Variants in RAPGEF5 observed in about 807,000 individuals in gnomAD.
RAPGEF5 encodes the protein Rap guanine nucleotide exchange factor 5.
Under a neutral mutation model 125.2 loss-of-function variants are expected in RAPGEF5, and 65 were observed. The observed-to-expected ratio is 0.52, with a 90% CI of 0.43 to 0.64. RAPGEF5 has a LOEUF of 0.64. Ranked by LOEUF, RAPGEF5 falls within the 30% of genes least tolerant of loss-of-function variation. The pLI, the probability that RAPGEF5 is intolerant of heterozygous loss-of-function variation, is 0.00. For synonymous variants in RAPGEF5, 391 were observed against 385.9 expected, an observed-to-expected ratio of 1.01 and a Z score of -0.16; for missense variants, 958 against 1,048.1, an observed-to-expected ratio of 0.91 and a Z score of 1.19.
chr7:22,258,550 G>C (rs1782061094), intron 7 of RAPGEF5, among the ~76,000 whole-genome samples: 1 of 151,254 alleles, frequency 6.6e-6, no homozygotes, highest in African/African-American at 2.4e-5. Flanking sequence ...CTTGAACCGG[G>C]GAGGCAGAGG....
chr7:22,314,614 G>A (rs1783550151), intron 3 of RAPGEF5: 1 of 981,684 alleles, frequency 1.0e-6, no homozygotes. Flanking sequence ...TCTTACTCTT[G>A]ATGGGTATTG....
chr7:22,118,608 G>T lies in RAPGEF5; in HGVS notation c.*3798C>A, dbSNP rs1782473753. Reference sequence around the variant, plus strand: ...AAATGGTGGAAAACTACCAAGTGTAGTCCCTGAGAAGTTAGGTAGACACCC... The same window carrying T: ...AAATGGTGGAAAACTACCAAGTGTATTCCCTGAGAAGTTAGGTAGACACCC... On this transcript the variant is annotated 3_prime_UTR_variant, in exon 26 of 26. Transcript: ENST00000665637. The T allele has an allele frequency of 6.6e-6, 1 of 152,562 alleles. No individual in the cohort carries two copies. Among genetic ancestry groups the T allele is most frequent in the Non-Finnish European group, 1.5e-5 (1 of 68,030 alleles). The allele number at this position is 152,562 out of a possible 1,614,324, so 9.5% of individuals were successfully genotyped here.
intron 11 of RAPGEF5, among the ~76,000 whole-genome samples, chr7:22,174,614 T>C (rs886717640): frequency 1.3e-5 from 2 of 152,166 alleles, no homozygotes; most frequent in Non-Finnish European, 2.9e-5. Context: ...AGAGATCACA[T>C]AGTATAATTG....
At chr7:22,194,178 A>G in intron 9 of RAPGEF5, 145 bp from the exon 10 acceptor site, 1 of 730,326 alleles carries the variant, frequency 1.4e-6, no homozygotes, top group Non-Finnish European at 2.2e-6. Flanking sequence ...ATAAATTAGG[A>G]GTCTGGTCAA....
At chr7:22,269,927 A>T (rs1036923630) in intron 6 of RAPGEF5, among the ~76,000 whole-genome samples, 1 of 152,188 alleles carries the variant, frequency 6.6e-6, no homozygotes, top group African/African-American at 2.4e-5. Flanking sequence ...GAAAAACTAT[A>T]GGGAAAGGAC....
intron 14 of RAPGEF5, 141 bp from the exon 15 acceptor site, chr7:22,158,026 C>T (rs1473065626): frequency 1.4e-6 from 1 of 723,464 alleles, no homozygotes; most frequent in African/African-American, 1.8e-5. Context: ...CATTAATTCA[C>T]TATGTACAAC....
chr7:22,181,400 A>G (rs1378445487), intron 11 of RAPGEF5, among the ~76,000 whole-genome samples: 1 of 152,190 alleles, frequency 6.6e-6, no homozygotes, highest in East Asian at 1.9e-4. Context: ...TTAGGTAGCA[A>G]TATCCAGCCA....
chr7:22,191,779 C>T, intron 11 of RAPGEF5: 1 of 403,764 alleles, frequency 2.5e-6, no homozygotes, highest in South Asian at 1.8e-5. Context: ...AACCTGTGAG[C>T]ACCTGAGCCA....
intron 11 of RAPGEF5, chr7:22,192,974 C>T (rs1176652470): frequency 8.8e-6 from 2 of 226,398 alleles, no homozygotes; most frequent in Admixed American, 5.1e-5. Context: ...ACGGAGGCTG[C>T]TGCCCCCAGC....
Position 22,219,883 on chromosome 7 carries a change from G to A in RAPGEF5, c.979C>T (p.Gln327Ter). 8 of 1,612,482 alleles carry A rather than the reference G, an allele frequency of 5.0e-6. No homozygotes were observed. The highest frequency in any genetic ancestry group is 6.8e-6 in the Non-Finnish European group (8 of 1,178,880). Reference sequence around the variant, plus strand: ...AGGCTTACGTGTTCAGACTTCTCCTGTTCTTTTTTGTCCGTCTGCAAAAAC... The same window carrying A: ...AGGCTTACGTGTTCAGACTTCTCCTATTCTTTTTTGTCCGTCTGCAAAAAC... ...YQFLQTDKKE[Q>*]EKSEHQDDEV... Residue 327 changes from glutamine to a stop codon, truncating the protein, a stop_gained, in exon 9 of 26, where the codon CAG becomes TAG. Transcript: ENST00000665637. LOFTEE classifies it high-confidence loss of function.
chr7:22,285,554 T>C (rs1242743492), intron 6 of RAPGEF5, among the ~76,000 whole-genome samples: 1 of 152,236 alleles, frequency 6.6e-6, no homozygotes, highest in African/African-American at 2.4e-5. Flanking sequence ...ATAACAATTC[T>C]TGTTCAAAGA....
intron 23 of RAPGEF5, among the ~76,000 whole-genome samples, chr7:22,135,269 C>A (rs149171354): frequency 6.6e-6 from 1 of 152,274 alleles, no homozygotes; most frequent in African/African-American, 2.4e-5. Flanking sequence ...CCTACTAAAC[C>A]TCTTGAAGGA....
chr7:22,124,189 C>T (rs1233335924), intron 25 of RAPGEF5, among the ~76,000 whole-genome samples: 2 of 152,152 alleles, frequency 1.3e-5, no homozygotes, highest in African/African-American at 4.8e-5. Flanking sequence ...ATACTTGGAG[C>T]ATATATAAAC....
intron 7 of RAPGEF5, among the ~76,000 whole-genome samples, chr7:22,264,222 A>G (rs1782228353): frequency 1.3e-5 from 2 of 152,174 alleles, no homozygotes; most frequent in Non-Finnish European, 2.9e-5. Flanking sequence ...CCAGACCTCC[A>G]GTCATATAAA....
intron 9 of RAPGEF5, among the ~76,000 whole-genome samples, chr7:22,215,206 C>T (rs1467168200): frequency 1.3e-5 from 2 of 152,162 alleles, no homozygotes; most frequent in African/African-American, 2.4e-5. Flanking sequence ...CCCACACCCC[C>T]AATTCTTGGT....
At chr7:22,161,537 AACACACACACACACAC>A (rs369030719) in intron 13 of RAPGEF5, among the ~76,000 whole-genome samples, 35 of 136,044 alleles carry the variant, frequency 2.6e-4, no homozygotes, top group Admixed American at 4.5e-4. Flanking sequence ...ACCCTGTCTC[AACACACACACACACAC>A]ACACACACAC....
chr7:22,201,370 G>C (rs1785273061), intron 9 of RAPGEF5, among the ~76,000 whole-genome samples: 1 of 152,232 alleles, frequency 6.6e-6, no homozygotes, highest in Admixed American at 6.5e-5. Context: ...GTGAGGACTC[G>C]CTGTCCCAGC....
At position 22,192,015 on chromosome 7, in the gene RAPGEF5, T is replaced by A. The variant is rs61583398; in HGVS notation, c.1204+1352A>T. On this transcript the variant is annotated intron_variant, in intron 11 of 25. Coordinates refer to ENST00000665637, the MANE Select transcript of RAPGEF5 (RefSeq NM_012294.5). ...ACAGATAATTTGTCTGTATTCTAGT[T>A]CAAAACACCTGTGTAAAGCAGTCTG... Among the ~76,000 whole-genome samples, 1,378 of 152,284 alleles carry A rather than the reference T, an allele frequency of 9.0e-3. 25 individuals carry two copies. Among genetic ancestry groups the A allele is most frequent in the African/African-American group, 0.032 (1,325 of 41,552 alleles).
At chr7:22,181,032 C>T (rs1483340555) in intron 11 of RAPGEF5, among the ~76,000 whole-genome samples, 6 of 152,170 alleles carry the variant, frequency 3.9e-5, no homozygotes, top group Non-Finnish European at 8.8e-5. Flanking sequence ...CTGGCAATGC[C>T]TTCAAATACA....
Sources: gnomAD v4.1 joint callset for allele counts (sites outside exome capture counted in the v4.1 genomes callset) on GRCh38, gnomAD v4.1.1 for gene constraint, MANE v1.5 for transcripts, NCBI Gene and HGNC (gene_info 2026-07-23, HGNC 2026-07-21) for gene names.